The following ASIC2 variants were observed in gnomAD, a reference collection of about 807,000 sequenced individuals.
The protein encoded by ASIC2 is acid sensing ion channel subunit 2, also known as acid-sensing ion channel 2.
In ASIC2, 25 loss-of-function variants were observed where a neutral mutation model predicts 57.3. The observed-to-expected ratio is 0.44, with a 90% CI of 0.32 to 0.61. The LOEUF is 0.61. Among genes scored for constraint, ASIC2 ranks in the 20% least tolerant of loss-of-function variants. The pLI is 0.06. For synonymous variants in ASIC2, 319 were observed against 307.5 expected (o/e 1.04, Z -0.39); for missense variants, 641 against 738.1 (o/e 0.87, Z 1.52).
chr17:33,578,651 T>G (rs1916728109), intron 1 of ASIC2, among the ~76,000 whole-genome samples: 1 of 151,822 alleles, frequency 6.6e-6, no homozygotes, highest in Non-Finnish European at 1.5e-5. Flanking sequence ...AGACTCCATC[T>G]CTCCCCTTAT....
At chr17:33,557,433 A>G (rs903199094) in intron 1 of ASIC2, among the ~76,000 whole-genome samples, 22 of 152,202 alleles carry the variant, frequency 1.4e-4, no homozygotes, top group Admixed American at 3.9e-4. Context: ...AAAGATGAAC[A>G]TGGCATGGTC....
At chr17:33,623,751 C>T (rs919783667) in intron 1 of ASIC2, among the ~76,000 whole-genome samples, 1 of 152,112 alleles carries the variant, frequency 6.6e-6, no homozygotes, top group African/African-American at 2.4e-5. Flanking sequence ...TAGTCATGTG[C>T]ATAACATTCC....
chr17:33,625,056 G>A (rs1412510876), intron 1 of ASIC2, among the ~76,000 whole-genome samples: 2 of 152,138 alleles, frequency 1.3e-5, no homozygotes, highest in African/African-American at 4.8e-5. Flanking sequence ...CAGTCTTGTT[G>A]ATCAATAGAA....
intron 1 of ASIC2, among the ~76,000 whole-genome samples, chr17:33,879,205 A>T (rs1368348342): frequency 6.6e-6 from 1 of 152,318 alleles, no homozygotes; most frequent in East Asian, 1.9e-4. Context: ...TCAACTAACG[A>T]GCAAAATAAC....
intron 1 of ASIC2, chr17:34,071,271 T>A (rs1909389082): frequency 6.6e-6 from 1 of 152,152 alleles, no homozygotes; most frequent in African/African-American, 2.4e-5. Flanking sequence ...TGTCCCTTGG[T>A]CAATTACATA....
rs536791330 is a variant in ASIC2, at chr17:33,374,380, C to T, written c.556-262313G>A. Among the ~76,000 whole-genome samples, 47 of 152,204 alleles carry T rather than the reference C, an allele frequency of 3.1e-4. No homozygotes were observed. In the South Asian group the frequency reaches 4.4e-3, roughly 14 times the overall value. On this transcript the variant is annotated intron_variant, in intron 1 of 9. Coordinates refer to the ASIC2 transcript ENST00000359872. ...CGGTGACTCATGACTCAATGGGTCC[C>T]GTGGCACCCCCAAGAGGTGGACTCA...
intron 1 of ASIC2, among the ~76,000 whole-genome samples, chr17:33,874,856 T>C (rs192565730): frequency 3.0e-4 from 46 of 152,386 alleles, no homozygotes; most frequent in African/African-American, 1.1e-3. Context: ...TATCTTTTTC[T>C]AACCATGTGG....
intron 1 of ASIC2, among the ~76,000 whole-genome samples, chr17:33,858,372 G>C (rs1175367920): frequency 2.0e-5 from 3 of 152,344 alleles, no homozygotes; most frequent in African/African-American, 7.2e-5. Context: ...CTGCCCTGCA[G>C]GGTCCAGCCT....
intron 1 of ASIC2, among the ~76,000 whole-genome samples, chr17:33,846,139 C>T (rs1913590270): frequency 6.6e-6 from 1 of 152,186 alleles, no homozygotes; most frequent in African/African-American, 2.4e-5. Flanking sequence ...CATTTAAATG[C>T]TTCCATGTCC....
chr17:33,464,774 G>T (rs1912807293), intron 1 of ASIC2, among the ~76,000 whole-genome samples: 1 of 149,772 alleles, frequency 6.7e-6, no homozygotes, highest in East Asian at 2.0e-4. Context: ...CTCATTACCT[G>T]GATACCTGGA....
At chr17:33,624,267 G>A (rs1429800696) in intron 1 of ASIC2, 1 of 152,306 alleles carries the variant, frequency 6.6e-6, no homozygotes, top group Non-Finnish European at 1.5e-5. Flanking sequence ...GCTTGACAAG[G>A]AGTGGGTTTG....
chr17:33,870,239 T>G (rs1006830455), intron 1 of ASIC2, among the ~76,000 whole-genome samples: 29 of 138,236 alleles, frequency 2.1e-4, no homozygotes, highest in Non-Finnish European at 3.4e-4. Flanking sequence ...TTTTTTTTTT[T>G]TTTTTTTTTT....
chr17:33,462,537 C>T (rs963497522), intron 1 of ASIC2, among the ~76,000 whole-genome samples: 1 of 152,202 alleles, frequency 6.6e-6, no homozygotes. Flanking sequence ...CACCTACCAG[C>T]CCTAGACCTT....
intron 1 of ASIC2, among the ~76,000 whole-genome samples, chr17:33,982,398 G>T (rs955235887): frequency 6.6e-6 from 1 of 152,322 alleles, no homozygotes. Flanking sequence ...GGGTCACCTT[G>T]TAACTTATGC....
chr17:33,718,484 A>G (rs143777803), intron 1 of ASIC2, among the ~76,000 whole-genome samples: 169 of 152,196 alleles, frequency 1.1e-3, no homozygotes, highest in Non-Finnish European at 2.0e-3. Flanking sequence ...GTGTGAGAAG[A>G]TGCCCTTGTA....
intron 1 of ASIC2, among the ~76,000 whole-genome samples, chr17:33,211,598 A>G (rs1207441241): frequency 6.6e-6 from 1 of 151,756 alleles, no homozygotes; most frequent in Non-Finnish European, 1.5e-5. Context: ...GCAGGGAAAC[A>G]GGCAGAGCAG....
intron 1 of ASIC2, among the ~76,000 whole-genome samples, chr17:34,007,425 T>C (rs2142018888): frequency 6.6e-6 from 1 of 152,290 alleles, no homozygotes; most frequent in Non-Finnish European, 1.5e-5. Context: ...ACACAGAACT[T>C]CTTGCTTTGG....
At position 33,291,656 on chromosome 17, in the gene ASIC2, C is replaced by T; in HGVS notation, c.460G>A (p.Ala154Thr). 6.2e-7 allele frequency: 1 copy of T among 1,612,674 alleles called. No homozygotes were observed. The part of the protein sequence containing the change: ...PRLSKGDLYY[A>T]GHWLGLLLPN... ...AGCAGCAGCCCGAGCCAGTGGCCGG[C>T]ATAGTAGAGGTCCCCCTTGGAGAGG... The change falls in exon 1 of 10, where the codon GCC (alanine) becomes ACC (threonine). Residue 154 changes from alanine (A) to threonine (T), a missense_variant. By Grantham distance (58) the Ala-to-Thr change is moderately conservative. Transcript: ENST00000225823.
At chr17:34,086,004 A>G (rs1465648534) in intron 1 of ASIC2, among the ~76,000 whole-genome samples, 4 of 151,440 alleles carry the variant, frequency 2.6e-5, no homozygotes, top group South Asian at 2.1e-4. Flanking sequence ...TGGATTCATT[A>G]ATTTTTTGAA....
Sources: gnomAD v4.1 joint callset for allele counts (sites outside exome capture counted in the v4.1 genomes callset) on GRCh38, gnomAD v4.1.1 for gene constraint, MANE v1.5 for transcripts, NCBI Gene and HGNC (gene_info 2026-07-23, HGNC 2026-07-21) for gene names.